Variants in LSP1 observed in about 807,000 individuals in gnomAD.
LSP1 encodes the protein lymphocyte-specific protein 1.
In LSP1, 32 loss-of-function variants were observed where a neutral mutation model predicts 49.3. That is an observed-to-expected ratio of 0.65 (90% CI 0.49 to 0.87). The LOEUF (loss-of-function observed/expected upper bound fraction) is 0.87, where lower values mean the gene tolerates loss of function less well. LSP1 is among the 40% of genes least tolerant of loss of function. LSP1 has a pLI of 0.00. For synonymous variants in LSP1, 179 were observed against 178.8 expected (o/e 1.00, Z -0.01); for missense variants, 428 against 442.6 (o/e 0.97, Z 0.30).
At chr11:1,880,540 C>T (rs1248318851) in intron 2 of LSP1, 7 of 278,020 alleles carry the variant, frequency 2.5e-5, no homozygotes, top group Admixed American at 5.3e-5. Flanking sequence ...CAGACTCCCC[C>T]GCCAGTGACT....
In LSP1 at chr11:1,853,122, T is replaced by C; in HGVS notation, c.-23T>C. 1 of 1,605,460 alleles carries C rather than the reference T, an allele frequency of 6.2e-7. No individual in the cohort carries two copies. The highest frequency in any genetic ancestry group is 8.5e-7 in the Non-Finnish European group (1 of 1,177,200). On this transcript the variant is annotated 5_prime_UTR_variant, in exon 1 of 11. Coordinates refer to ENST00000311604, the MANE Select transcript of LSP1 (RefSeq NM_002339.3). Reference sequence around the variant, plus strand: ...CCACTCCAGGGATCTGCCAGCACCCTGTGGGGCCCAGACTACAGGCTGATG... The same window carrying C: ...CCACTCCAGGGATCTGCCAGCACCCCGTGGGGCCCAGACTACAGGCTGATG...
intron 1 of LSP1, among the ~76,000 whole-genome samples, chr11:1,864,978 T>G (rs1589809363): frequency 2.7e-5 from 4 of 145,948 alleles, no homozygotes; most frequent in Non-Finnish European, 4.5e-5. Flanking sequence ...AGGGGAGGGG[T>G]GACAGCCAGC....
intron 1 of LSP1, among the ~76,000 whole-genome samples, chr11:1,875,080 TGGG>T: frequency 6.7e-6 from 1 of 148,916 alleles, no homozygotes; most frequent in African/African-American, 2.6e-5. Flanking sequence ...AGCTCGGCCA[TGGG>T]GGCTTCGGCA....
chr11:1,879,954 C>A, intron 1 of LSP1, 133 bp from the exon 2 acceptor site: 1 of 1,101,540 alleles, frequency 9.1e-7, no homozygotes, highest in Non-Finnish European at 1.3e-6. Context: ...TGAGGGCCGG[C>A]CTGGGACTGA....
intron 1 of LSP1, among the ~76,000 whole-genome samples, chr11:1,869,923 G>C (rs1847928430): frequency 6.6e-6 from 1 of 152,074 alleles, no homozygotes; most frequent in Non-Finnish European, 1.5e-5. Context: ...GTCCCTGCCT[G>C]GTCTTCCCCA....
intron 1 of LSP1, among the ~76,000 whole-genome samples, chr11:1,863,806 C>T (rs1406281140): frequency 6.6e-6 from 1 of 152,152 alleles, no homozygotes; most frequent in Non-Finnish European, 1.5e-5. Context: ...ACTTTGTGCC[C>T]ACTGGCCACC....
intron 1 of LSP1, chr11:1,869,120 C>A: frequency 1.6e-6 from 1 of 628,408 alleles, no homozygotes; most frequent in Non-Finnish European, 2.0e-6. Context: ...GGGTGAGGGG[C>A]TTGGCCCCTG....
rs754863209 is a variant in LSP1, at chr11:1,884,352, G to C, written c.635+29G>C. Reference sequence around the variant, plus strand: ...TGTCTGTCTGTCTGTCTGCTTTCTGGGCTCAGATCTTAGGTTTAACCAAGT... The same window carrying C: ...TGTCTGTCTGTCTGTCTGCTTTCTGCGCTCAGATCTTAGGTTTAACCAAGT... On this transcript the variant is annotated intron_variant, in intron 6 of 10. Transcript: ENST00000311604. This position sits in a 1 kb window ranked among gnomAD's most constrained non-coding sequence, Gnocchi z 4.1. 1.7e-5 allele frequency: 27 copies of C among 1,613,798 alleles called. No homozygotes were observed. In the Middle Eastern group the frequency reaches 2.1e-3, roughly 128 times the overall value.
chr11:1,868,556 T>A (rs1847871285), intron 1 of LSP1: 1 of 713,352 alleles, frequency 1.4e-6, no homozygotes. Context: ...CCTGCTGGGC[T>A]GGCCCTGAGG....
At chr11:1,890,876 C>A (rs1326121765) in intron 10 of LSP1, 3 of 439,826 alleles carry the variant, frequency 6.8e-6, no homozygotes, top group African/African-American at 5.8e-5. Flanking sequence ...CTCCATGCCA[C>A]CCCAGCACAA....
intron 1 of LSP1, among the ~76,000 whole-genome samples, chr11:1,873,274 T>G (rs1038916861): frequency 6.6e-6 from 1 of 152,210 alleles, no homozygotes; most frequent in Middle Eastern, 3.4e-3. Context: ...CCTTCCTCCC[T>G]GCCAGGACCC....
intron 1 of LSP1, among the ~76,000 whole-genome samples, chr11:1,855,234 A>G (rs887070601): frequency 6.6e-6 from 1 of 152,194 alleles, no homozygotes. Flanking sequence ...TTTCCTGTCT[A>G]GGATGGGACA....
At chr11:1,869,554 C>T (rs1005107954) in intron 1 of LSP1, 38 of 446,624 alleles carry the variant, frequency 8.5e-5, no homozygotes, top group South Asian at 5.7e-4. Flanking sequence ...TGCCCCTTGC[C>T]GCCGACCCCA....
chr11:1,866,034 G>A (rs1295406795), intron 1 of LSP1, among the ~76,000 whole-genome samples: 1 of 152,070 alleles, frequency 6.6e-6, no homozygotes, highest in Non-Finnish European at 1.5e-5. Flanking sequence ...AGGTGGGAGA[G>A]CAGAGTTTGG....
rs150586183 is a variant in LSP1, at chr11:1,880,950, C to T, written c.192-482C>T. On this transcript the variant is annotated intron_variant, in intron 2 of 10. Transcript: ENST00000311604. ...GCACAGCCCTGCTGTTAGGGAGCCA[C>T]AGGCTGACGGGGGAGGCCCAGCCCT... 361 of 158,974 alleles carry T rather than the reference C, an allele frequency of 2.3e-3. 2 individuals are homozygous for T. The highest frequency in any genetic ancestry group is 8.3e-3 in the African/African-American group (343 of 41,470). 9.8% of individuals were successfully genotyped at this position (158,974 alleles called of 1,614,324 possible).
At chr11:1,880,988 C>G (rs1488254295) in intron 2 of LSP1, 1 of 159,688 alleles carries the variant, frequency 6.3e-6, no homozygotes, top group East Asian at 1.9e-4. Flanking sequence ...CCTAGCGAGT[C>G]CCAGAGTGAT....
intron 1 of LSP1, among the ~76,000 whole-genome samples, chr11:1,857,214 C>T (rs1355160578): frequency 2.0e-5 from 3 of 152,188 alleles, no homozygotes; most frequent in African/African-American, 7.2e-5. Context: ...CCCGCTGATT[C>T]TGGAAGCCAG....
intron 1 of LSP1, among the ~76,000 whole-genome samples, chr11:1,860,347 G>A (rs1172458342): frequency 1.3e-5 from 2 of 151,976 alleles, no homozygotes; most frequent in African/African-American, 4.8e-5. Flanking sequence ...ATAGGTGCAT[G>A]GATCGATGGA....
chr11:1,887,173 C>T (rs1174034328), intron 8 of LSP1, 64 bp from the exon 9 acceptor site: 6 of 1,357,004 alleles, frequency 4.4e-6, no homozygotes, highest in Non-Finnish European at 1.0e-6. Flanking sequence ...GAGAAGGGCC[C>T]AGGGCTTCTA....
Sources: gnomAD v4.1 joint callset for allele counts (sites outside exome capture counted in the v4.1 genomes callset) on GRCh38, gnomAD v4.1.1 for gene constraint, Gnocchi (gnomAD v3.1) non-coding constraint, MANE v1.5 for transcripts, NCBI Gene and HGNC (gene_info 2026-07-23, HGNC 2026-07-21) for gene names.